Variants in PDZRN4 observed in about 807,000 individuals in gnomAD.
The protein encoded by PDZRN4 is PDZ domain-containing RING finger protein 4.
PDZRN4 carries 70 observed loss-of-function variants against 99.0 expected under a neutral mutation model. The observed-to-expected ratio is 0.71, with a 90% CI of 0.58 to 0.86. PDZRN4 has a LOEUF of 0.86. PDZRN4 is among the 40% of genes least tolerant of loss of function. The pLI is 0.00. For synonymous variants in PDZRN4, 551 were observed against 501.6 expected, an observed-to-expected ratio of 1.10 and a Z score of -1.32; for missense variants, 1,474 against 1,331.2, an observed-to-expected ratio of 1.11 and a Z score of -1.67.
At chr12:41,224,651 A>T (rs985178939) in intron 3 of PDZRN4, among the ~76,000 whole-genome samples, 1 of 152,210 alleles carries the variant, frequency 6.6e-6, no homozygotes, top group African/African-American at 2.4e-5. Context: ...ATTTTATAGT[A>T]TAGGTAAGAA....
intron 3 of PDZRN4, among the ~76,000 whole-genome samples, chr12:41,455,503 G>A (rs539006385): frequency 1.3e-5 from 2 of 152,222 alleles, no homozygotes; most frequent in African/African-American, 4.8e-5. Flanking sequence ...ATCAAGTGGG[G>A]CGTTCTGAGA....
At chr12:41,233,780 G>A (rs1000709195) in intron 3 of PDZRN4, among the ~76,000 whole-genome samples, 1 of 149,230 alleles carries the variant, frequency 6.7e-6, no homozygotes. Context: ...ACACACCCAG[G>A]ACTGTTGTGT....
At chr12:41,382,872 AATGCATTATACTG>A (rs977619102) in intron 3 of PDZRN4, among the ~76,000 whole-genome samples, 1 of 152,252 alleles carries the variant, frequency 6.6e-6, no homozygotes, top group African/African-American at 2.4e-5. Context: ...TTTGCTAACA[AATGCATTATACTG>A]ATATAGAATA....
At chr12:41,518,022 T>A (rs1938432513) in intron 5 of PDZRN4, among the ~76,000 whole-genome samples, 1 of 152,108 alleles carries the variant, frequency 6.6e-6, no homozygotes, top group Admixed American at 6.6e-5. Context: ...TAATACATAT[T>A]TGTTAATTTA....
chr12:41,361,556 A>G (rs987333682), intron 3 of PDZRN4, among the ~76,000 whole-genome samples: 4 of 152,088 alleles, frequency 2.6e-5, no homozygotes, highest in African/African-American at 9.7e-5. Flanking sequence ...AAATTTCTGC[A>G]TATTGCCACA....
At chr12:41,189,878 G>C (rs553643872) in intron 1 of PDZRN4, among the ~76,000 whole-genome samples, 2 of 152,122 alleles carry the variant, frequency 1.3e-5, no homozygotes, top group African/African-American at 4.8e-5. Context: ...CCCAGGCAGC[G>C]GTTGTTTCCC....
At chr12:41,208,575 T>C (rs1950866000) in intron 3 of PDZRN4, among the ~76,000 whole-genome samples, 1 of 151,966 alleles carries the variant, frequency 6.6e-6, no homozygotes, top group South Asian at 2.1e-4. Flanking sequence ...ATGCATTTGC[T>C]TATCATCTCT....
rs1471964882 is a variant in PDZRN4 at position 41,573,320 on chromosome 12, C to T, written c.2541C>T (p.Ala847=). The T allele has an allele frequency of 3.7e-6, 6 of 1,613,166 alleles. No homozygotes were observed. The South Asian group carries it at 4.4e-5, about 12-fold the overall frequency. ...GATATGCAAACATCCCAGCACACGC[C>T]CGGCATTATCAAAGCTACATGCAGT... ...SYRYANIPAH[A]RHYQSYMQLI... is the part of the protein sequence containing the mutation. The change falls in exon 10 of 10, where the codon GCC becomes GCT. Residue 847 remains alanine (A), a synonymous_variant. Transcript: ENST00000402685.
At chr12:41,526,664 A>T (rs917911226) in intron 5 of PDZRN4, among the ~76,000 whole-genome samples, 1 of 152,222 alleles carries the variant, frequency 6.6e-6, no homozygotes, top group African/African-American at 2.4e-5. Flanking sequence ...CCCTACTATC[A>T]GACATTTGTC....
intron 7 of PDZRN4, 115 bp from the exon 8 acceptor site, chr12:41,563,433 C>G (rs1201641591): frequency 1.4e-6 from 1 of 737,476 alleles, no homozygotes; most frequent in Non-Finnish European, 2.3e-6. Context: ...AAGATGAGCC[C>G]ATTGTGTGAG....
chr12:41,437,703 A>T, intron 3 of PDZRN4: 1 of 1,410,388 alleles, frequency 7.1e-7, no homozygotes, highest in East Asian at 2.6e-5. Flanking sequence ...GTTGCCATGA[A>T]CTGACTGGAA....
At chr12:41,508,781 T>C (rs1938253013) in intron 4 of PDZRN4, among the ~76,000 whole-genome samples, 1 of 152,130 alleles carries the variant, frequency 6.6e-6, no homozygotes, top group South Asian at 2.1e-4. Flanking sequence ...GTAGAATATT[T>C]ACGCTGACTA....
At chr12:41,552,607 C>A in intron 5 of PDZRN4, 49 bp from the exon 6 acceptor site, 2 of 1,405,530 alleles carry the variant, frequency 1.4e-6, no homozygotes, top group Non-Finnish European at 2.0e-6. Context: ...CATTCTGTTG[C>A]AGATTTTCTC....
intron 3 of PDZRN4, among the ~76,000 whole-genome samples, chr12:41,400,452 G>C (rs1277828692): frequency 6.6e-6 from 1 of 152,086 alleles, no homozygotes; most frequent in Admixed American, 6.6e-5. Context: ...CACTTTCGAG[G>C]CACCATCAAG....
At chr12:41,295,149 G>A (rs1326736627) in intron 3 of PDZRN4, among the ~76,000 whole-genome samples, 1 of 151,988 alleles carries the variant, frequency 6.6e-6, no homozygotes, top group Non-Finnish European at 1.5e-5. Context: ...TCAAAATAAA[G>A]ACAATTTCAG....
intron 3 of PDZRN4, among the ~76,000 whole-genome samples, chr12:41,369,290 A>G (rs567016747): frequency 2.6e-5 from 4 of 152,224 alleles, no homozygotes; most frequent in Admixed American, 2.0e-4. Context: ...AAAATCTTAC[A>G]GTACAATTGT....
chr12:41,427,099 C>T (rs1205544748), intron 3 of PDZRN4, among the ~76,000 whole-genome samples: 1 of 152,192 alleles, frequency 6.6e-6, no homozygotes, highest in Non-Finnish European at 1.5e-5. Context: ...TTTCTACCTC[C>T]TGTAACCATA....
At position 41,358,574 on chromosome 12, in the gene PDZRN4, G is replaced by A. The variant is rs182037886; in HGVS notation, c.844-147882G>A. 4.7e-4 allele frequency among the ~76,000 whole-genome samples: 72 copies of A among 151,984 alleles called. 1 individual carries two copies. In the East Asian group the frequency reaches 0.012, roughly 25 times the overall value. ...TCACCAGCTAGTAAGTCACAGAGTC[G>A]GGGAAGAATTTGAGTCTGTCTGATT... On this transcript the variant is annotated intron_variant, in intron 3 of 9. Transcript: ENST00000402685.
At chr12:41,503,858 T>C (rs1037853950) in intron 3 of PDZRN4, among the ~76,000 whole-genome samples, 1 of 152,214 alleles carries the variant, frequency 6.6e-6, no homozygotes, top group African/African-American at 2.4e-5. Context: ...CCTTCAGATA[T>C]TGGATAAAGT....
Sources: gnomAD v4.1 joint callset for allele counts (sites outside exome capture counted in the v4.1 genomes callset) on GRCh38, gnomAD v4.1.1 for gene constraint, MANE v1.5 for transcripts, NCBI Gene and HGNC (gene_info 2026-07-23, HGNC 2026-07-21) for gene names.